The following MGAT4C variants were observed in gnomAD, a reference collection of about 807,000 sequenced individuals.
MGAT4C encodes MGAT4 family member C.
Under a neutral mutation model 40.1 loss-of-function variants are expected in MGAT4C, and 19 were observed. The ratio of observed to expected loss-of-function variants is 0.47; its 90% CI spans 0.33 to 0.70. The LOEUF is 0.70. MGAT4C is among the 30% of genes least tolerant of loss of function. MGAT4C has a pLI of 0.02. For missense variants in MGAT4C, 491 were observed against 563.2 expected (o/e 0.87, Z 1.30); for synonymous variants, 181 against 187.1 (o/e 0.97, Z 0.27).
At chr12:86,161,864 A>C (rs1885624191) in intron 1 of MGAT4C, among the ~76,000 whole-genome samples, 2 of 152,186 alleles carry the variant, frequency 1.3e-5, no homozygotes, top group South Asian at 2.1e-4. Flanking sequence ...TTGCAAAAGA[A>C]GACATACAAG....
At chr12:86,619,061 T>C (rs1565886825) in intron 2 of MGAT4C, among the ~76,000 whole-genome samples, 1 of 152,096 alleles carries the variant, frequency 6.6e-6, no homozygotes, top group Non-Finnish European at 1.5e-5. Flanking sequence ...TTAGGTATTA[T>C]AAGTAATCTA....
rs753056567 is a variant in MGAT4C, at chr12:85,956,592, C to G, written c.*22697G>C. On this transcript the variant is annotated 3_prime_UTR_variant, in exon 5 of 5. Transcript: ENST00000611864. Reference sequence around the variant, plus strand: ...TTAGAAAATATTTGATTCAATCAAACAGCATTACTTGGTATGGTGTAGAGA... The same window carrying G: ...TTAGAAAATATTTGATTCAATCAAAGAGCATTACTTGGTATGGTGTAGAGA... 7.9e-5 allele frequency: 12 copies of G among 152,106 alleles called. No homozygotes were observed. The highest frequency in any genetic ancestry group is 1.6e-4 in the Non-Finnish European group (11 of 68,008). 9.4% of individuals were successfully genotyped at this position (152,106 alleles called of 1,614,324 possible). A position where few individuals can be genotyped will look rare whatever the true frequency, so the allele number is the denominator to read the frequency against.
At chr12:86,373,346 T>C (rs1437701711) in intron 3 of MGAT4C, among the ~76,000 whole-genome samples, 1 of 151,998 alleles carries the variant, frequency 6.6e-6, no homozygotes, top group Non-Finnish European at 1.5e-5. Flanking sequence ...AGATCAGTCT[T>C]GGGACTGACC....
At chr12:86,729,403 T>C (rs1296720113) in intron 1 of MGAT4C, among the ~76,000 whole-genome samples, 1 of 152,036 alleles carries the variant, frequency 6.6e-6, no homozygotes, top group Admixed American at 6.5e-5. Context: ...TAAACTTTTA[T>C]AACTAATAAA....
At chr12:86,401,268 GT>G (rs1202109105) in intron 3 of MGAT4C, among the ~76,000 whole-genome samples, 1 of 132,218 alleles carries the variant, frequency 7.6e-6, no homozygotes. Context: ...ATATGTGTGT[GT>G]GTGTGTGTGT....
chr12:86,606,999 C>A (rs1962066813), intron 2 of MGAT4C, among the ~76,000 whole-genome samples: 1 of 151,960 alleles, frequency 6.6e-6, no homozygotes, highest in African/African-American at 2.4e-5. Context: ...TAAAATTTAT[C>A]TTCTATTTTT....
At chr12:86,574,048 T>C (rs1210500157) in intron 2 of MGAT4C, among the ~76,000 whole-genome samples, 1 of 151,618 alleles carries the variant, frequency 6.6e-6, no homozygotes, top group Non-Finnish European at 1.5e-5. Context: ...TTAGAGATAC[T>C]TTTTTTTCAT....
Position 86,124,799 on chromosome 12 carries a change from T to A in MGAT4C, c.-56-75076A>T, listed in dbSNP as rs73387106. Among the ~76,000 whole-genome samples, 962 of 152,190 alleles carry A rather than the reference T, an allele frequency of 6.3e-3. 6 individuals are homozygous for A. Among genetic ancestry groups the A allele is most frequent in the African/African-American group, 0.022 (925 of 41,518 alleles). ...AGTAAATCTGGTGCATTCCTTTTAG[T>A]GCTATAATTTTACCAAGCATGGAGA... On this transcript the variant is annotated intron_variant, in intron 1 of 4. Transcript: ENST00000611864.
At chr12:86,635,183 G>A (rs1259235731) in intron 2 of MGAT4C, among the ~76,000 whole-genome samples, 1 of 152,028 alleles carries the variant, frequency 6.6e-6, no homozygotes, top group Non-Finnish European at 1.5e-5. Context: ...CTGTCTTTAT[G>A]CATCTAAACT....
chr12:86,397,365 A>T (rs944029002), intron 3 of MGAT4C, among the ~76,000 whole-genome samples: 1 of 151,974 alleles, frequency 6.6e-6, no homozygotes, highest in African/African-American at 2.4e-5. Flanking sequence ...AATCAACTTG[A>T]TTTTTTTGCC....
chr12:86,651,913 A>G (rs1361563913), intron 2 of MGAT4C, among the ~76,000 whole-genome samples: 1 of 151,882 alleles, frequency 6.6e-6, no homozygotes, highest in Non-Finnish European at 1.5e-5. Context: ...AAATCAAGTC[A>G]AATTTACAAG....
intron 3 of MGAT4C, among the ~76,000 whole-genome samples, chr12:86,433,000 C>A (rs1161248915): frequency 6.6e-6 from 1 of 151,780 alleles, no homozygotes; most frequent in African/African-American, 2.4e-5. Context: ...ATAAAGCAGC[C>A]TCTAGTCTGA....
intron 2 of MGAT4C, among the ~76,000 whole-genome samples, chr12:86,708,549 C>T (rs1334015363): frequency 6.6e-6 from 1 of 152,158 alleles, no homozygotes; most frequent in Non-Finnish European, 1.5e-5. Context: ...GGTAGATCCA[C>T]TGACAGCTTG....
chr12:86,729,333 T>C (rs1484350349), intron 1 of MGAT4C, among the ~76,000 whole-genome samples: 2 of 152,032 alleles, frequency 1.3e-5, no homozygotes, highest in Non-Finnish European at 2.9e-5. Flanking sequence ...CCCACAAATA[T>C]ATACACCTAC....
At chr12:86,734,654 G>T (rs1310656712) in intron 1 of MGAT4C, among the ~76,000 whole-genome samples, 3 of 151,980 alleles carry the variant, frequency 2.0e-5, no homozygotes, top group Admixed American at 2.0e-4. Flanking sequence ...GGATACAAAA[G>T]AAGACCACCG....
At chr12:86,800,985 T>G (rs1952215430) in intron 1 of MGAT4C, among the ~76,000 whole-genome samples, 1 of 151,920 alleles carries the variant, frequency 6.6e-6, no homozygotes, top group South Asian at 2.1e-4. Flanking sequence ...GGTGATATCT[T>G]ATCACTCTGG....
intron 2 of MGAT4C, among the ~76,000 whole-genome samples, chr12:86,028,528 G>T (rs909778564): frequency 2.0e-5 from 3 of 151,758 alleles, no homozygotes; most frequent in African/African-American, 7.3e-5. Context: ...CTCATTGAAG[G>T]CAAGAAATTA....
chr12:85,984,391 T>C (rs1320038738), intron 3 of MGAT4C, among the ~76,000 whole-genome samples: 1 of 152,172 alleles, frequency 6.6e-6, no homozygotes, highest in Admixed American at 6.6e-5. Flanking sequence ...TGTGTGTGTG[T>C]GTGTGATTCT....
intron 3 of MGAT4C, among the ~76,000 whole-genome samples, chr12:86,390,036 C>T (rs61949482): frequency 0.085 from 12,904 of 152,198 alleles, 759 homozygotes; most frequent in Middle Eastern, 0.22. Context: ...TTTTTAACAA[C>T]ATTACATTCA....
Sources: gnomAD v4.1 joint callset for allele counts (sites outside exome capture counted in the v4.1 genomes callset) on GRCh38, gnomAD v4.1.1 for gene constraint, MANE v1.5 for transcripts, NCBI Gene and HGNC (gene_info 2026-07-23, HGNC 2026-07-21) for gene names.